Variants in PRH1 observed in about 807,000 individuals in gnomAD.
PRH1 encodes salivary acidic proline-rich phosphoprotein 1/2.
PRH1 carries 7 observed loss-of-function variants against 7.9 expected under a neutral mutation model. That is an observed-to-expected ratio of 0.89 (90% CI 0.50 to 1.67). The LOEUF (loss-of-function observed/expected upper bound fraction) is 1.67. Ranked by LOEUF, PRH1 falls within the 40% of genes most tolerant of loss-of-function variation. PRH1 has a pLI of 0.00. For synonymous variants in PRH1, 45 were observed against 80.8 expected (o/e 0.56, Z 2.38); for missense variants, 109 against 223.6 (o/e 0.49, Z 3.27).
At chr12:11,042,601 AG>A (rs1942750907) in intron 1 of PRH1, among the ~76,000 whole-genome samples, 1 of 141,006 alleles carries the variant, frequency 7.1e-6, no homozygotes, top group Non-Finnish European at 1.5e-5. Flanking sequence ...ATAGAGAAAG[AG>A]GGACTACTTC....
intron 2 of PRH1, among the ~76,000 whole-genome samples, chr12:10,967,320 T>A (rs1327760841): frequency 6.6e-6 from 1 of 152,108 alleles, no homozygotes; most frequent in Non-Finnish European, 1.5e-5. Context: ...ATGGTGCACT[T>A]CTCCTAATAA....
intron 1 of PRH1, among the ~76,000 whole-genome samples, chr12:11,163,298 T>TGGTACCATGAGG (rs1301186618): frequency 2.0e-5 from 3 of 152,158 alleles, no homozygotes; most frequent in Non-Finnish European, 4.4e-5. Flanking sequence ...GTTTTACCCC[T>TGGTACCATGAGG]GGTACCATGA....
At position 11,034,870 on chromosome 12, in the gene PRH1, G is replaced by C. The variant is rs1305331285; in HGVS notation, c.-126+12150C>G. 3.3e-5 allele frequency: 5 copies of C among 153,106 alleles called. 1 individual carries two copies. Among genetic ancestry groups the C allele is most frequent in the Admixed American group, 2.6e-4 (4 of 15,294 alleles). The allele number at this position is 153,106 out of a possible 1,614,324, so 9.5% of individuals were successfully genotyped here. ...CCACTGAACTCCAGCCTGGATAACAGAGTGAGACTCCAACTCTACCAACAA... is the reference window on the plus strand; with the variant it reads ...CCACTGAACTCCAGCCTGGATAACACAGTGAGACTCCAACTCTACCAACAA... On this transcript the variant is annotated intron_variant, in intron 1 of 3. Transcript: ENST00000539853.
intron 2 of PRH1, among the ~76,000 whole-genome samples, chr12:10,947,224 T>G (rs2135905976): frequency 6.6e-6 from 1 of 152,216 alleles, no homozygotes; most frequent in East Asian, 1.9e-4. Flanking sequence ...GTCAGTGGAG[T>G]GTTGATGTCA....
chr12:11,014,254 TA>T lies in PRH1; in HGVS notation c.-126+32765del, dbSNP rs1402621989. Among the ~76,000 whole-genome samples, 5 of 46,494 alleles carry T rather than the reference TA, an allele frequency of 1.1e-4. No individual in the cohort carries two copies. The East Asian group carries it at 8.1e-3, about 75-fold the overall frequency. The allele number at this position is 46,494 out of a possible 152,430, so 30.5% of individuals were successfully genotyped here. Reference sequence around the variant, plus strand: ...AGAATTGAGACCTTGGGCAGTCTGATATTTTCAGTTTAGAGACAAAAGAGAA... The same window carrying T: ...AGAATTGAGACCTTGGGCAGTCTGATTTTTCAGTTTAGAGACAAAAGAGAA... On this transcript the variant is annotated intron_variant, in intron 1 of 3. Coordinates refer to the PRH1 transcript ENST00000539853.
At chr12:10,941,479 C>T (rs1033505604) in intron 2 of PRH1, among the ~76,000 whole-genome samples, 1 of 151,946 alleles carries the variant, frequency 6.6e-6, no homozygotes. Context: ...TAGTGTGTTT[C>T]ATTTTAACTT....
chr12:10,929,901 G>C (rs1235039979), intron 2 of PRH1, among the ~76,000 whole-genome samples: 5 of 152,156 alleles, frequency 3.3e-5, no homozygotes, highest in African/African-American at 1.2e-4. Flanking sequence ...GCTATGTCTG[G>C]TGGCTCCTGT....
chr12:10,936,447 C>A (rs1321554181), intron 2 of PRH1, among the ~76,000 whole-genome samples: 1 of 152,018 alleles, frequency 6.6e-6, no homozygotes, highest in Non-Finnish European at 1.5e-5. Context: ...ATAAAGTGTA[C>A]AATTTCATGA....
intron 1 of PRH1, among the ~76,000 whole-genome samples, chr12:11,038,186 A>G (rs1942524174): frequency 2.6e-5 from 4 of 152,292 alleles, no homozygotes; most frequent in Admixed American, 2.6e-4. Flanking sequence ...TTAGAAATAT[A>G]CTTTATGTTT....
At chr12:11,027,226 C>CT (rs1317839096) in intron 1 of PRH1, among the ~76,000 whole-genome samples, 1 of 150,672 alleles carries the variant, frequency 6.6e-6, no homozygotes, top group African/African-American at 2.5e-5. Context: ...GATCCTGCCA[C>CT]TGAACTCCAG....
At chr12:11,134,361 T>C (rs1414257866) in intron 1 of PRH1, 3 of 1,190,980 alleles carry the variant, frequency 2.5e-6, no homozygotes, top group Admixed American at 2.9e-5. Context: ...TGCTGTGACA[T>C]TCTTTTTACT....
intron 1 of PRH1, chr12:10,986,610 GAAGT>G (rs750232401): frequency 3.0e-5 from 48 of 1,613,830 alleles, no homozygotes; most frequent in Non-Finnish European, 3.8e-5. Flanking sequence ...GGCATTATAA[GAAGT>G]AATTCTTAAT....
rs1944806689 is a variant in PRH1, at chr12:11,089,399, GT to G, written n.124-42212del. ...CTTCCACGGACTAATGCCAGCTGTG[GT>G]TTCCCCCTGTAGCCCTTCTGGAAAA... On this transcript the variant is annotated intron_variant and non_coding_transcript_variant, in intron 1 of 4. Coordinates refer to the PRH1 transcript ENST00000541977. Among the ~76,000 whole-genome samples, 2 of 115,472 alleles carry G rather than the reference GT, an allele frequency of 1.7e-5. 1 individual carries two copies. Among genetic ancestry groups the G allele is most frequent in the African/African-American group, 5.8e-5 (2 of 34,426 alleles). 75.8% of individuals were successfully genotyped at this position (115,472 alleles called of 152,430 possible).
intron 1 of PRH1, chr12:11,061,607 T>C (rs1168196665): frequency 1.2e-6 from 2 of 1,614,052 alleles, no homozygotes. Flanking sequence ...GAGGTCACAG[T>C]TTGCAAAGCT....
At chr12:10,966,247 A>G (rs1294951398) in intron 2 of PRH1, among the ~76,000 whole-genome samples, 1 of 152,192 alleles carries the variant, frequency 6.6e-6, no homozygotes, top group Non-Finnish European at 1.5e-5. Flanking sequence ...AAAATATTCA[A>G]CATTTTTGTA....
intron 1 of PRH1, among the ~76,000 whole-genome samples, chr12:10,983,103 C>T (rs983793521): frequency 6.6e-6 from 1 of 152,168 alleles, no homozygotes; most frequent in Non-Finnish European, 1.5e-5. Flanking sequence ...AAAGTTGCTA[C>T]AGGCATGCAT....
intron 2 of PRH1, among the ~76,000 whole-genome samples, chr12:10,934,884 T>A (rs1318131246): frequency 6.6e-6 from 1 of 152,174 alleles, no homozygotes; most frequent in Non-Finnish European, 1.5e-5. Flanking sequence ...TCTTCACAAT[T>A]TGCTTATTAA....
chr12:11,151,709 C>T (rs997591932), intron 1 of PRH1, among the ~76,000 whole-genome samples: 1 of 152,036 alleles, frequency 6.6e-6, no homozygotes, highest in Non-Finnish European at 1.5e-5. Context: ...TACAAGATTG[C>T]CTGTAGTTGT....
intron 1 of PRH1, among the ~76,000 whole-genome samples, chr12:11,072,621 C>T (rs1297821493): frequency 2.0e-5 from 3 of 152,230 alleles, no homozygotes; most frequent in Non-Finnish European, 2.9e-5. Context: ...TCCCTCTCCA[C>T]TTAACCTAAA....
Sources: gnomAD v4.1 joint callset for allele counts (sites outside exome capture counted in the v4.1 genomes callset) on GRCh38, gnomAD v4.1.1 for gene constraint, MANE v1.5 for transcripts, NCBI Gene and HGNC (gene_info 2026-07-23, HGNC 2026-07-21) for gene names.